Variants in PDE4D observed in about 807,000 individuals in gnomAD.
PDE4D encodes the protein 3',5'-cyclic-AMP phosphodiesterase 4D.
Under a neutral mutation model 87.4 loss-of-function variants are expected in PDE4D, and 24 were observed. The observed-to-expected ratio is 0.27, with a 90% CI of 0.20 to 0.39. The LOEUF (loss-of-function observed/expected upper bound fraction) is 0.39. Ranked by LOEUF, PDE4D falls within the 10% of genes least tolerant of loss-of-function variation. The pLI is 1.00. For synonymous variants in PDE4D, 384 were observed against 383.2 expected (o/e 1.00, Z -0.02); for missense variants, 714 against 1,041.0 (o/e 0.69, Z 4.32).
intron 1 of PDE4D, among the ~76,000 whole-genome samples, chr5:59,477,896 A>T (rs548457735): frequency 6.6e-6 from 1 of 152,112 alleles, no homozygotes; most frequent in African/African-American, 2.4e-5. Context: ...CTGCAGCAAC[A>T]TGGATGCAAC....
At chr5:60,296,152 A>G (rs1583332408) in intron 1 of PDE4D, among the ~76,000 whole-genome samples, 1 of 152,276 alleles carries the variant, frequency 6.6e-6, no homozygotes, top group South Asian at 2.1e-4. Context: ...GGACTTCAAC[A>G]TATGAATTTT....
chr5:59,012,451 G>A (rs1462301487), intron 6 of PDE4D, among the ~76,000 whole-genome samples: 1 of 152,152 alleles, frequency 6.6e-6, no homozygotes, highest in East Asian at 1.9e-4. Flanking sequence ...TAAAGGGATG[G>A]AGGAAGATCT....
At chr5:59,382,440 A>G (rs1786070059) in intron 1 of PDE4D, among the ~76,000 whole-genome samples, 1 of 152,226 alleles carries the variant, frequency 6.6e-6, no homozygotes. Flanking sequence ...ATAAATCTCA[A>G]ATCAGAGGAT....
chr5:59,438,331 T>C (rs1444386438), intron 1 of PDE4D, among the ~76,000 whole-genome samples: 1 of 152,144 alleles, frequency 6.6e-6, no homozygotes, highest in Non-Finnish European at 1.5e-5. Flanking sequence ...ATGTTCTCTG[T>C]CCTAAAGTGA....
chr5:59,359,459 G>A (rs1781873552), intron 1 of PDE4D, among the ~76,000 whole-genome samples: 1 of 151,982 alleles, frequency 6.6e-6, no homozygotes, highest in South Asian at 2.1e-4. Context: ...AGGTTACCAG[G>A]TCTCAGTAAG....
At chr5:59,460,365 T>TATAATACTAGCAGG (rs1376693673) in intron 1 of PDE4D, among the ~76,000 whole-genome samples, 3 of 152,212 alleles carry the variant, frequency 2.0e-5, no homozygotes, top group Non-Finnish European at 2.9e-5. Context: ...CATAGCAGGA[T>TATAATACTAGCAGG]AAGACAATAC....
At chr5:59,710,337 A>C (rs751034651) in intron 1 of PDE4D, among the ~76,000 whole-genome samples, 2 of 152,204 alleles carry the variant, frequency 1.3e-5, no homozygotes, top group Non-Finnish European at 2.9e-5. Flanking sequence ...ATATGGTGAA[A>C]GAATCAACAA....
chr5:59,243,152 A>T (rs1158624013), intron 1 of PDE4D, among the ~76,000 whole-genome samples: 1 of 152,164 alleles, frequency 6.6e-6, no homozygotes, highest in East Asian at 1.9e-4. Flanking sequence ...TAAGAGAGAA[A>T]ATATATCACA....
chr5:59,011,863 A>G lies in PDE4D; in HGVS notation c.922-18398T>C, dbSNP rs528405049. On this transcript the variant is annotated intron_variant, in intron 6 of 14. Transcript: ENST00000340635. ...AAGACACATAATTGTCAGATTCACC[A>G]AAGTTGAAATGAAGGAAAAAATGTT... is the stretch of plus-strand genomic sequence containing the variant. 4.6e-5 allele frequency among the ~76,000 whole-genome samples: 7 copies of G among 152,338 alleles called. No homozygotes were observed. The East Asian group carries it at 1.3e-3, about 29-fold the overall frequency.
At chr5:60,367,093 A>G (rs1194785708) in intron 1 of PDE4D, among the ~76,000 whole-genome samples, 3 of 151,522 alleles carry the variant, frequency 2.0e-5, no homozygotes, top group East Asian at 1.9e-4. Flanking sequence ...TGGAGAACCA[A>G]TTTTTTTTTG....
chr5:59,262,529 G>A (rs1205438049), intron 1 of PDE4D, among the ~76,000 whole-genome samples: 1 of 151,766 alleles, frequency 6.6e-6, no homozygotes, highest in East Asian at 1.9e-4. Context: ...AATCGGAAAA[G>A]TTCACAATAC....
At chr5:60,030,172 C>T (rs988821185) in intron 2 of PDE4D, among the ~76,000 whole-genome samples, 6 of 152,306 alleles carry the variant, frequency 3.9e-5, no homozygotes, top group Admixed American at 1.3e-4. Context: ...TGGTTAAGGC[C>T]GGGCGCGGTG....
At chr5:59,419,541 T>A (rs1582506547) in intron 1 of PDE4D, among the ~76,000 whole-genome samples, 1 of 152,354 alleles carries the variant, frequency 6.6e-6, no homozygotes, top group Non-Finnish European at 1.5e-5. Context: ...CATGTTTGTA[T>A]CCTTATAGTT....
intron 1 of PDE4D, among the ~76,000 whole-genome samples, chr5:59,287,156 C>G (rs1401679496): frequency 6.6e-6 from 1 of 152,140 alleles, no homozygotes; most frequent in African/African-American, 2.4e-5. Flanking sequence ...TATTTCTGGA[C>G]CTTCCCTGGC....
chr5:60,256,999 T>G (rs1055987758), intron 1 of PDE4D, among the ~76,000 whole-genome samples: 1 of 151,914 alleles, frequency 6.6e-6, no homozygotes, highest in Non-Finnish European at 1.5e-5. Context: ...ATGTAATCAT[T>G]TCATAATAAA....
intron 2 of PDE4D, among the ~76,000 whole-genome samples, chr5:60,184,426 A>C (rs957363909): frequency 5.3e-5 from 8 of 152,182 alleles, no homozygotes; most frequent in Admixed American, 1.3e-4. Context: ...ATGATGATAA[A>C]AGGAATTCCA....
chr5:59,286,162 C>G (rs1382784789), intron 1 of PDE4D, among the ~76,000 whole-genome samples: 7 of 152,196 alleles, frequency 4.6e-5, no homozygotes, highest in Non-Finnish European at 1.0e-4. Flanking sequence ...GGTCAGAACT[C>G]AAGCCTGGCT....
At chr5:60,427,032 A>T (rs1389551207) in intron 1 of PDE4D, among the ~76,000 whole-genome samples, 1 of 152,216 alleles carries the variant, frequency 6.6e-6, no homozygotes, top group East Asian at 1.9e-4. Context: ...TGGGGAAAAT[A>T]ATCAGGAAGA....
At chr5:60,170,474 A>G (rs951707479) in intron 2 of PDE4D, among the ~76,000 whole-genome samples, 5 of 152,126 alleles carry the variant, frequency 3.3e-5, no homozygotes, top group Admixed American at 2.6e-4. Flanking sequence ...ACCTGATAAA[A>G]GTGTTTTCTT....
Sources: allele counts gnomAD v4.1 joint callset (sites outside exome capture counted in the v4.1 genomes callset), GRCh38; gene constraint gnomAD v4.1.1; transcripts MANE v1.5; gene names NCBI Gene and HGNC (gene_info 2026-07-23, HGNC 2026-07-21).